GABRG2: variants seen among roughly 807,000 people sequenced by gnomAD.
GABRG2 encodes the protein gamma-aminobutyric acid type A receptor subunit gamma2.
A neutral mutation model predicts 56.4 loss-of-function variants in GABRG2; 16 were observed. The observed-to-expected ratio is 0.28, with a 90% confidence interval of 0.19 to 0.43. The LOEUF is 0.43. Ranked by LOEUF, GABRG2 falls within the 20% of genes least tolerant of loss-of-function variation. The pLI is 1.00. For missense variants in GABRG2, 327 were observed against 582.7 expected, an observed-to-expected ratio of 0.56 and a Z score of 4.52; for synonymous variants, 208 against 205.5, an observed-to-expected ratio of 1.01 and a Z score of -0.10.
intron 3 of GABRG2, 35 bp downstream of exon 3, chr5:162,095,597 T>C (rs1760941352): frequency 2.1e-6 from 3 of 1,437,206 alleles, no homozygotes; most frequent in East Asian, 4.6e-5. Context: ...GTCTGTTTTA[T>C]TAGCATGTTT....
chr5:162,109,882 T>C (rs1762135933), intron 6 of GABRG2, among the ~76,000 whole-genome samples: 1 of 152,170 alleles, frequency 6.6e-6, no homozygotes, highest in South Asian at 2.1e-4. Flanking sequence ...TACGGGAAAC[T>C]TACATTGGTG....
intron 6 of GABRG2, among the ~76,000 whole-genome samples, chr5:162,105,983 T>G (rs1761799061): frequency 6.6e-6 from 1 of 152,110 alleles, no homozygotes; most frequent in Non-Finnish European, 1.5e-5. Flanking sequence ...AGATTTCTTG[T>G]TTAGTTGTTT....
At chr5:162,142,706 A>G (rs1445006043) in intron 7 of GABRG2, 2 of 331,698 alleles carry the variant, frequency 6.0e-6, no homozygotes, top group African/African-American at 4.3e-5. Flanking sequence ...CAATGAGAAC[A>G]CATGCACATA....
chr5:162,134,247 G>A (rs1315931160), intron 6 of GABRG2, among the ~76,000 whole-genome samples: 1 of 152,136 alleles, frequency 6.6e-6, no homozygotes, highest in African/African-American at 2.4e-5. Context: ...CTTCTTTGAT[G>A]AACGTCAACT....
At chr5:162,121,949 C>G (rs1214284584) in intron 6 of GABRG2, among the ~76,000 whole-genome samples, 1 of 151,950 alleles carries the variant, frequency 6.6e-6, no homozygotes, top group East Asian at 1.9e-4. Flanking sequence ...GTCAAAGGGT[C>G]ATATAGAAAC....
intron 4 of GABRG2, chr5:162,099,821 T>C (rs1006556837): frequency 3.9e-5 from 6 of 152,200 alleles, no homozygotes; most frequent in Non-Finnish European, 8.8e-5. Flanking sequence ...GATGATTTTG[T>C]TCTGGCTATC....
intron 6 of GABRG2, among the ~76,000 whole-genome samples, chr5:162,118,812 A>G (rs567290545): frequency 6.6e-6 from 1 of 152,228 alleles, no homozygotes; most frequent in South Asian, 2.1e-4. Flanking sequence ...AGCGACACAA[A>G]AGGCAAAATT....
intron 5 of GABRG2, chr5:162,102,758 G>C: frequency 5.7e-6 from 2 of 352,046 alleles, no homozygotes; most frequent in East Asian, 1.5e-4. Flanking sequence ...TATTATCACT[G>C]TTTTCCTCAA....
chr5:162,146,731 T>C (rs757120211), intron 7 of GABRG2, among the ~76,000 whole-genome samples: 4 of 152,314 alleles, frequency 2.6e-5, no homozygotes, highest in South Asian at 4.1e-4. Flanking sequence ...TATTACATAA[T>C]CAGGAATAGT....
At chr5:162,107,113 T>G (rs537295153) in intron 6 of GABRG2, among the ~76,000 whole-genome samples, 1 of 152,286 alleles carries the variant, frequency 6.6e-6, no homozygotes, top group South Asian at 2.1e-4. Context: ...GTATTTGGTT[T>G]TCTTGTCCTG....
At chr5:162,088,529 G>C (rs1251678675) in intron 1 of GABRG2, among the ~76,000 whole-genome samples, 1 of 152,072 alleles carries the variant, frequency 6.6e-6, no homozygotes. Flanking sequence ...GCAGTGGCAA[G>C]TTTATGAAAC....
At chr5:162,077,971 A>G (rs2113165248) in intron 1 of GABRG2, among the ~76,000 whole-genome samples, 1 of 152,174 alleles carries the variant, frequency 6.6e-6, no homozygotes, top group Non-Finnish European at 1.5e-5. Context: ...TTTCAAGATG[A>G]AAGCCATAGT....
At chr5:162,139,666 C>A (rs1259840892) in intron 6 of GABRG2, among the ~76,000 whole-genome samples, 3 of 152,108 alleles carry the variant, frequency 2.0e-5, no homozygotes, top group Admixed American at 1.3e-4. Flanking sequence ...AGTGCCAGAT[C>A]ATTAATACCA....
chr5:162,149,056 A>T, intron 7 of GABRG2, 52 bp from the exon 8 acceptor site: 1 of 1,551,410 alleles, frequency 6.4e-7, no homozygotes, highest in Non-Finnish European at 8.9e-7. Context: ...TGACTCAGTT[A>T]CCCAACTTGC....
intron 8 of GABRG2, chr5:162,149,863 C>G (rs1040123503): frequency 6.3e-6 from 2 of 317,818 alleles, no homozygotes; most frequent in African/African-American, 2.2e-5. Flanking sequence ...ATCCACCTGT[C>G]TCGGCCTCCC....
intron 6 of GABRG2, among the ~76,000 whole-genome samples, chr5:162,132,444 T>C (rs535215635): frequency 6.6e-6 from 1 of 152,092 alleles, no homozygotes; most frequent in African/African-American, 2.4e-5. Flanking sequence ...TGAAATGCAG[T>C]CTCATCATTT....
chr5:162,130,409 T>C (rs1209202044), intron 6 of GABRG2, among the ~76,000 whole-genome samples: 1 of 151,928 alleles, frequency 6.6e-6, no homozygotes, highest in Admixed American at 6.6e-5. Context: ...TTCAAAGCCA[T>C]TTTAGAAGGC....
intron 6 of GABRG2, among the ~76,000 whole-genome samples, chr5:162,119,797 G>C (rs1478815259): frequency 6.6e-6 from 1 of 151,996 alleles, no homozygotes; most frequent in African/African-American, 2.4e-5. Context: ...AGAAATCATT[G>C]TCCTAAATAT....
In GABRG2 at chr5:162,107,686, T is replaced by C. The variant is rs944168265; in HGVS notation, c.769+3660T>C. Among the ~76,000 whole-genome samples, 4 of 152,318 alleles carry C rather than the reference T, an allele frequency of 2.6e-5. No individual in the cohort carries two copies. In the South Asian group the frequency reaches 8.3e-4, roughly 32 times the overall value. On this transcript the variant is annotated intron_variant, in intron 6 of 9. Transcript: ENST00000639213. ...TATGCTAGAACAGATTCTGGATCCA[T>C]GATTTCTTCTTCAAACTATAATTCC... is the stretch of plus-strand genomic sequence containing the variant.
Sources: gnomAD v4.1 joint callset for allele counts (sites outside exome capture counted in the v4.1 genomes callset) on GRCh38, gnomAD v4.1.1 for gene constraint, MANE v1.5 for transcripts, NCBI Gene and HGNC (gene_info 2026-07-23, HGNC 2026-07-21) for gene names.